The following GPM6A variants were observed in gnomAD, a reference collection of about 807,000 sequenced individuals.
GPM6A encodes the protein neuronal membrane glycoprotein M6-a.
A neutral mutation model predicts 32.1 loss-of-function variants in GPM6A; 7 were observed. The observed-to-expected ratio is 0.22, with a 90% CI of 0.12 to 0.41. The LOEUF is 0.41. GPM6A is among the 10% of genes least tolerant of loss of function. The pLI is 1.00. For missense variants in GPM6A, 235 were observed against 347.2 expected (o/e 0.68, Z 2.57); for synonymous variants, 130 against 123.4 (o/e 1.05, Z -0.35).
chr4:175,961,712 TGA>T (rs764801883), intron 1 of GPM6A, among the ~76,000 whole-genome samples: 20 of 151,572 alleles, frequency 1.3e-4, no homozygotes, highest in Non-Finnish European at 2.7e-4. Context: ...GGGTGGAGAG[TGA>T]GAGAGCAGCT....
rs146658517 is a variant in GPM6A at position 175,971,270 on chromosome 4, G to GAAA, written c.-23+31036_-23+31038dup. 7.8e-3 allele frequency among the ~76,000 whole-genome samples: 1,032 copies of GAAA among 132,022 alleles called. 15 individuals carry two copies. The highest frequency in any genetic ancestry group is 0.026 in the African/African-American group (961 of 36,356). 86.6% of individuals were successfully genotyped at this position (132,022 alleles called of 152,430 possible). Reference sequence around the variant, plus strand: ...CATTAGTGTTCTCTTTATCTTCCGTGAAAAAAAAAAAAAAAAATTCTGAAA... The same window carrying GAAA: ...CATTAGTGTTCTCTTTATCTTCCGTGAAAAAAAAAAAAAAAAAAAATTCTGAAA... On this transcript the variant is annotated intron_variant, in intron 1 of 7. Coordinates refer to the GPM6A transcript ENST00000280187.
In GPM6A at chr4:175,650,401, T is replaced by A. The variant is rs375944412; in HGVS notation, c.541+1433A>T. On this transcript the variant is annotated intron_variant, in intron 4 of 6. Transcript: ENST00000393658. Reference sequence around the variant, plus strand: ...CTCACTACAACCTCTGCCTCCTGGGTTCAAGAAATTCTCCTGCCTCAGCCT... The same window carrying A: ...CTCACTACAACCTCTGCCTCCTGGGATCAAGAAATTCTCCTGCCTCAGCCT... 6.5e-4 allele frequency among the ~76,000 whole-genome samples: 99 copies of A among 151,978 alleles called. No homozygotes were observed. The East Asian group carries it at 0.017, about 27-fold the overall frequency.
intron 1 of GPM6A, among the ~76,000 whole-genome samples, chr4:175,976,883 G>A (rs1169701388): frequency 6.6e-6 from 1 of 152,116 alleles, no homozygotes; most frequent in Non-Finnish European, 1.5e-5. Context: ...AGCATAAAAG[G>A]ACAGAATTGA....
intron 1 of GPM6A, among the ~76,000 whole-genome samples, chr4:175,794,711 T>C (rs1054009292): frequency 6.6e-6 from 1 of 152,052 alleles, no homozygotes; most frequent in Non-Finnish European, 1.5e-5. Context: ...TGAGGCATGG[T>C]CGGTAAGAAA....
chr4:175,725,563 A>G (rs1440866425), intron 1 of GPM6A, among the ~76,000 whole-genome samples: 2 of 152,162 alleles, frequency 1.3e-5, no homozygotes, highest in African/African-American at 4.8e-5. Flanking sequence ...AAGTGCTGAG[A>G]TTACAGATGT....
At chr4:175,773,810 C>T (rs1026369335) in intron 1 of GPM6A, among the ~76,000 whole-genome samples, 6 of 152,120 alleles carry the variant, frequency 3.9e-5, no homozygotes, top group East Asian at 1.9e-4. Flanking sequence ...AAGGCTTGCC[C>T]GAGCTCTCAT....
intron 1 of GPM6A, among the ~76,000 whole-genome samples, chr4:175,900,331 AGG>A (rs1199359333): frequency 7.5e-5 from 11 of 146,012 alleles, no homozygotes; most frequent in Admixed American, 2.8e-4. Context: ...AGGAAAGGAA[AGG>A]AAAGGAAAGG....
intron 1 of GPM6A, among the ~76,000 whole-genome samples, chr4:175,742,394 TGCC>T (rs1731922566): frequency 6.6e-6 from 1 of 152,166 alleles, no homozygotes; most frequent in South Asian, 2.1e-4. Flanking sequence ...AAGACTGAGA[TGCC>T]ACATACAGAA....
At chr4:175,978,939 T>C (rs566770328) in intron 1 of GPM6A, among the ~76,000 whole-genome samples, 3 of 150,652 alleles carry the variant, frequency 2.0e-5, no homozygotes, top group Non-Finnish European at 4.4e-5. Flanking sequence ...AAAGCCCATG[T>C]AAAGCCTAAA....
At chr4:175,709,458 G>A (rs1481388074) in intron 1 of GPM6A, among the ~76,000 whole-genome samples, 2 of 151,914 alleles carry the variant, frequency 1.3e-5, no homozygotes, top group East Asian at 1.9e-4. Context: ...GGCTGGTCAC[G>A]GTGGCTCAAG....
chr4:175,998,352 A>G (rs1010322883), intron 1 of GPM6A, among the ~76,000 whole-genome samples: 7 of 152,058 alleles, frequency 4.6e-5, no homozygotes, highest in African/African-American at 1.4e-4. Flanking sequence ...CGGTCTCACT[A>G]TGTTGCTCAG....
chr4:175,757,253 G>A (rs1732563325), intron 1 of GPM6A, among the ~76,000 whole-genome samples: 1 of 151,992 alleles, frequency 6.6e-6, no homozygotes, highest in Non-Finnish European at 1.5e-5. Context: ...GAGAGAAACT[G>A]AGGACTCCCC....
chr4:175,739,944 T>A (rs1731811528), intron 1 of GPM6A, among the ~76,000 whole-genome samples: 1 of 152,044 alleles, frequency 6.6e-6, no homozygotes, highest in Non-Finnish European at 1.5e-5. Context: ...CATAAAAATA[T>A]TCTGGAAAAT....
At chr4:175,666,984 A>G (rs1018076301) in intron 3 of GPM6A, among the ~76,000 whole-genome samples, 1 of 152,170 alleles carries the variant, frequency 6.6e-6, no homozygotes, top group African/African-American at 2.4e-5. Context: ...CGTTATGGAG[A>G]TATTTCCCTA....
intron 3 of GPM6A, among the ~76,000 whole-genome samples, chr4:175,667,377 C>A (rs1352458620): frequency 6.6e-6 from 1 of 152,102 alleles, no homozygotes; most frequent in Non-Finnish European, 1.5e-5. Context: ...AAATGTATTA[C>A]TCAGCCAATA....
At chr4:175,769,940 G>A (rs1348540511) in intron 1 of GPM6A, among the ~76,000 whole-genome samples, 2 of 152,162 alleles carry the variant, frequency 1.3e-5, no homozygotes, top group Admixed American at 1.3e-4. Flanking sequence ...TCAGGAAGTA[G>A]AATAGCAAGG....
At chr4:175,785,623 A>C (rs551177856) in intron 1 of GPM6A, among the ~76,000 whole-genome samples, 1 of 152,206 alleles carries the variant, frequency 6.6e-6, no homozygotes, top group Non-Finnish European at 1.5e-5. Flanking sequence ...ACTAAAGAAG[A>C]AACCCCTTTT....
chr4:175,862,690 A>G (rs1242472122), intron 1 of GPM6A, among the ~76,000 whole-genome samples: 1 of 151,754 alleles, frequency 6.6e-6, no homozygotes, highest in Non-Finnish European at 1.5e-5. Flanking sequence ...TCAGTATTAC[A>G]TTAGCATTCC....
intron 6 of GPM6A, among the ~76,000 whole-genome samples, chr4:175,636,280 A>G (rs867963399): frequency 1.5e-4 from 20 of 137,918 alleles, no homozygotes; most frequent in South Asian, 4.5e-4. Flanking sequence ...ATATATATAT[A>G]TATATATATA....
Sources: allele counts gnomAD v4.1 joint callset (sites outside exome capture counted in the v4.1 genomes callset), GRCh38; gene constraint gnomAD v4.1.1; transcripts MANE v1.5; gene names NCBI Gene and HGNC (gene_info 2026-07-23, HGNC 2026-07-21).